FAAH2: variants seen among roughly 807,000 people sequenced by gnomAD.
FAAH2 encodes the protein fatty-acid amide hydrolase 2.
FAAH2 carries 60 observed loss-of-function variants against 36.9 expected under a neutral mutation model. The observed-to-expected ratio is 1.63, with a 90% CI of 1.32 to 2.02. The LOEUF (loss-of-function observed/expected upper bound fraction) is 2.02, where lower values mean the gene tolerates loss of function less well. FAAH2 is among the 30% of genes most tolerant of loss of function. The pLI is 0.00. For synonymous variants in FAAH2, 214 were observed against 143.8 expected, an observed-to-expected ratio of 1.49 and a Z score of -3.49; for missense variants, 689 against 397.5, an observed-to-expected ratio of 1.73 and a Z score of -6.23.
At chrX:57,430,621 T>C (rs760224289) in intron 7 of FAAH2, among the ~76,000 whole-genome samples, 3 of 112,259 alleles carry the variant, frequency 2.7e-5, no homozygotes, top group Non-Finnish European at 3.8e-5. Context: ...AGAAACATGA[T>C]TAACTAACAA....
At chrX:57,458,221 T>C (rs1905671) in intron 10 of FAAH2, among the ~76,000 whole-genome samples, 60,489 of 110,858 alleles carry the variant, frequency 0.55, 14,373 homozygotes, top group Non-Finnish European at 0.75. Context: ...CAATAAATGG[T>C]ACTATAATAG....
intron 1 of FAAH2, among the ~76,000 whole-genome samples, chrX:57,290,750 T>C (rs1478244443): frequency 1.8e-5 from 2 of 111,776 alleles, no homozygotes; most frequent in Non-Finnish European, 3.8e-5. Flanking sequence ...TTAAGTTGAA[T>C]ACCTTATATA....
At chrX:57,328,255 G>T (rs1170922563) in intron 3 of FAAH2, among the ~76,000 whole-genome samples, 1 of 111,585 alleles carries the variant, frequency 9.0e-6, no homozygotes, top group Non-Finnish European at 1.9e-5. Context: ...CCCTACTTGG[G>T]GGTGCCTCCC....
the FAAH2 span, among the ~76,000 whole-genome samples, chrX:57,258,881 T>G: frequency 3.1e-5 from 3 of 95,716 alleles, no homozygotes; most frequent in South Asian, 4.7e-4. Flanking sequence ...GCTAATTTTG[T>G]TTTTTTTTTT....
At chrX:57,380,189 T>A (rs191842815) in intron 6 of FAAH2, among the ~76,000 whole-genome samples, 133 of 110,904 alleles carry the variant, frequency 1.2e-3, no homozygotes, top group African/African-American at 4.3e-3. Context: ...TGTTCATCTC[T>A]TATATATTGG....
intron 5 of FAAH2, among the ~76,000 whole-genome samples, chrX:57,359,603 C>T (rs2054239898): frequency 8.9e-6 from 1 of 111,742 alleles, no homozygotes; most frequent in Non-Finnish European, 1.9e-5. Context: ...ATATCTGCCC[C>T]TCTTTATGTT....
intron 10 of FAAH2, among the ~76,000 whole-genome samples, chrX:57,473,325 T>A (rs1053447176): frequency 8.9e-6 from 1 of 111,766 alleles, no homozygotes; most frequent in African/African-American, 3.2e-5. Flanking sequence ...TTCCATGTAT[T>A]AGCATAGTTT....
intron 7 of FAAH2, among the ~76,000 whole-genome samples, chrX:57,418,739 C>T (rs1211363546): frequency 1.8e-5 from 2 of 109,218 alleles, no homozygotes; most frequent in Non-Finnish European, 3.8e-5. Context: ...TATTATTATA[C>T]TTTAAGTTTT....
At chrX:57,251,102 C>CA in the FAAH2 span, among the ~76,000 whole-genome samples, 1 of 111,619 alleles carries the variant, frequency 9.0e-6, no homozygotes, top group South Asian at 3.7e-4. Flanking sequence ...AAATTCTCAA[C>CA]AAAACGCTGG....
intron 7 of FAAH2, among the ~76,000 whole-genome samples, chrX:57,416,109 C>T (rs951200552): frequency 1.8e-5 from 2 of 110,794 alleles, no homozygotes; most frequent in Non-Finnish European, 3.8e-5. Context: ...TTATTTTGGG[C>T]CTATATGTGT....
chrX:57,476,059 G>A (rs917218459), intron 10 of FAAH2, among the ~76,000 whole-genome samples: 8 of 111,796 alleles, frequency 7.2e-5, no homozygotes, highest in African/African-American at 2.6e-4. Flanking sequence ...CTGAGACTTT[G>A]CTGAAGTTGC....
chrX:57,455,264 T>G (rs2056847378), intron 10 of FAAH2, among the ~76,000 whole-genome samples: 2 of 111,451 alleles, frequency 1.8e-5, no homozygotes, highest in Admixed American at 1.9e-4. Flanking sequence ...AAGGAATTTA[T>G]TATTACCAGA....
chrX:57,135,940 C>A, the FAAH2 span: 2 of 1,210,156 alleles, frequency 1.7e-6, no homozygotes, highest in Non-Finnish European at 2.2e-6. Context: ...TTGGAGCCAT[C>A]TTCTTTGGTA....
In FAAH2 at chrX:57,306,992, C is replaced by CATATATATATATATATATATATAT. The variant is rs1569245607; in HGVS notation, c.276-3600_276-3599insTATATATATATATATATATATATA. ...ACACACGTATACACACACACACACA[C>CATATATATATATATATATATATAT]AGATACATATATATATATATATATA... On this transcript the variant is annotated intron_variant, in intron 2 of 10. Transcript: ENST00000374900. 1.5e-3 allele frequency among the ~76,000 whole-genome samples: 12 copies of CATATATATATATATATATATATAT among 8,034 alleles called. 2 individuals are homozygous for CATATATATATATATATATATATAT. In the Non-Finnish European group the frequency reaches 0.028, roughly 18 times the overall value. 7.0% of individuals were successfully genotyped at this position (8,034 alleles called of 115,157 possible).
In FAAH2 at chrX:57,354,777, T is replaced by A. The variant is rs184376509; in HGVS notation, c.742+13387T>A. 6.5e-3 allele frequency among the ~76,000 whole-genome samples: 724 copies of A among 110,943 alleles called. 4 individuals carry two copies. Among genetic ancestry groups the A allele is most frequent in the Non-Finnish European group, 0.012 (613 of 52,576 alleles). The stretch of plus-strand genomic sequence containing the variant: ...TATGGGTATTTTTTGCTAATGAGAT[T>A]CTAGGTAAATTTAATTTTTATTCAT... On this transcript the variant is annotated intron_variant, in intron 5 of 10. Coordinates refer to ENST00000374900, the MANE Select transcript of FAAH2 (RefSeq NM_174912.4).
At chrX:57,340,303 G>A (rs931094667) in intron 4 of FAAH2, among the ~76,000 whole-genome samples, 3 of 111,555 alleles carry the variant, frequency 2.7e-5, no homozygotes, top group African/African-American at 9.8e-5. Context: ...TGTTGTGACT[G>A]GGGATGGGCC....
At chrX:57,262,516 A>T in the FAAH2 span, among the ~76,000 whole-genome samples, 1 of 111,706 alleles carries the variant, frequency 9.0e-6, no homozygotes. Flanking sequence ...AAACTCAGAT[A>T]GTGTCAATGG....
chrX:57,366,583 C>T (rs1195376727), intron 5 of FAAH2, among the ~76,000 whole-genome samples: 2 of 112,347 alleles, frequency 1.8e-5, no homozygotes, highest in Non-Finnish European at 3.8e-5. Flanking sequence ...TTTCCATACG[C>T]ATGTGCATGC....
At chrX:57,278,150 T>C in the FAAH2 span, among the ~76,000 whole-genome samples, 6 of 111,647 alleles carry the variant, frequency 5.4e-5, no homozygotes, top group Admixed American at 2.9e-4. Context: ...GCTGGAGGCA[T>C]CACGCTACCT....
Sources: allele counts gnomAD v4.1 joint callset (sites outside exome capture counted in the v4.1 genomes callset), GRCh38; gene constraint gnomAD v4.1.1; transcripts MANE v1.5; gene names NCBI Gene and HGNC (gene_info 2026-07-23, HGNC 2026-07-21).